The following CCDC88C variants were observed in gnomAD, a reference collection of about 807,000 sequenced individuals.
CCDC88C encodes coiled-coil and HOOK domain protein 88C.
A neutral mutation model predicts 198.8 loss-of-function variants in CCDC88C; 131 were observed. The ratio of observed to expected loss-of-function variants is 0.66; its 90% CI spans 0.57 to 0.76. The LOEUF (loss-of-function observed/expected upper bound fraction) is 0.76. Among genes scored for constraint, CCDC88C ranks in the 30% least tolerant of loss-of-function variants. The pLI is 0.00. For missense variants in CCDC88C, 2,553 were observed against 2,631.6 expected, an observed-to-expected ratio of 0.97 and a Z score of 0.65; for synonymous variants, 1,166 against 1,114.7, an observed-to-expected ratio of 1.05 and a Z score of -0.92.
chr14:91,273,472 G>A lies in CCDC88C; in HGVS notation c.5240C>T (p.Pro1747Leu), dbSNP rs1252187337. The A allele has an allele frequency of 6.4e-7, 1 of 1,573,420 alleles. No homozygotes were observed. The highest frequency in any genetic ancestry group is 8.6e-7 in the Non-Finnish European group (1 of 1,158,592). The change falls in exon 30 of 30, where the codon CCC becomes CTC. Residue 1747 changes from proline (P) to leucine (L), a missense_variant. By Grantham distance (98) the Pro-to-Leu change is moderately conservative. Around this residue, in one of 2 missense-constraint regions of CCDC88C, gnomAD observed 1,293 missense variants for 1,219.6 expected, o/e 1.06. Transcript: ENST00000389857. The surrounding 1 kb of genome is among the most constrained non-coding windows in gnomAD (Gnocchi z 5.6). ...GAAGTTTGGCTTTACGTACTGCCCG[G>A]GCTTCAGCGGCCTCCCCTCCGAGGT... ...APTSEGRPLK[P>L]GQYVKPNFRL...
chr14:91,354,296 C>G (rs780434997), intron 4 of CCDC88C, among the ~76,000 whole-genome samples: 1 of 152,246 alleles, frequency 6.6e-6, no homozygotes, highest in Non-Finnish European at 1.5e-5. Context: ...CAAATCTAGT[C>G]TTTTCTTGTG....
chr14:91,362,722 G>A (rs1894364844), intron 3 of CCDC88C, among the ~76,000 whole-genome samples: 1 of 152,136 alleles, frequency 6.6e-6, no homozygotes, highest in Non-Finnish European at 1.5e-5. Flanking sequence ...GAAGTCAGGA[G>A]ATCGAGACCA....
intron 2 of CCDC88C, among the ~76,000 whole-genome samples, chr14:91,409,197 T>A (rs1886673297): frequency 1.3e-5 from 2 of 152,104 alleles, no homozygotes; most frequent in South Asian, 2.1e-4. Flanking sequence ...GTTTTTTTTT[T>A]TTTTTAAATA....
chr14:91,388,232 C>G (rs1885267522), intron 3 of CCDC88C, among the ~76,000 whole-genome samples: 1 of 152,234 alleles, frequency 6.6e-6, no homozygotes, highest in Non-Finnish European at 1.5e-5. Context: ...AGGGCCCTAA[C>G]CAATGTATGA....
intron 3 of CCDC88C, among the ~76,000 whole-genome samples, chr14:91,407,608 C>A (rs1270031161): frequency 2.6e-5 from 4 of 152,136 alleles, no homozygotes; most frequent in Non-Finnish European, 2.9e-5. Context: ...TGGGCTTCAC[C>A]TGGGTTCTCG....
intron 2 of CCDC88C, among the ~76,000 whole-genome samples, chr14:91,409,667 T>C (rs1329568023): frequency 1.3e-5 from 2 of 151,732 alleles, no homozygotes; most frequent in Non-Finnish European, 2.9e-5. Flanking sequence ...TTTGTATTTT[T>C]AGTAAAGACA....
intron 4 of CCDC88C, among the ~76,000 whole-genome samples, chr14:91,358,815 T>C (rs991299925): frequency 6.6e-6 from 1 of 152,016 alleles, no homozygotes; most frequent in African/African-American, 2.4e-5. Flanking sequence ...ATTGAGTCTT[T>C]CAAACTCACA....
At chr14:91,407,133 C>T (rs1284320135) in intron 3 of CCDC88C, among the ~76,000 whole-genome samples, 1 of 152,158 alleles carries the variant, frequency 6.6e-6, no homozygotes, top group African/African-American at 2.4e-5. Context: ...TCAGAAAACC[C>T]AGGCCATTGT....
At chr14:91,359,160 C>CTTTTT (rs950112450) in intron 4 of CCDC88C, among the ~76,000 whole-genome samples, 223 of 108,652 alleles carry the variant, frequency 2.1e-3, no homozygotes, top group Non-Finnish European at 2.6e-3. Context: ...AGGCTTCATT[C>CTTTTT]TTTTTTTTTT....
At position 91,339,304 on chromosome 14, in the gene CCDC88C, G is replaced by A. The variant is rs746925437; in HGVS notation, c.783C>T (p.Ala261=). 1 of 1,613,246 alleles carries A rather than the reference G, an allele frequency of 6.2e-7. No individual in the cohort carries two copies. The highest frequency in any genetic ancestry group is 8.5e-7 in the Non-Finnish European group (1 of 1,179,888). Residue 261 remains alanine (A), a synonymous_variant, in exon 8 of 30, where the codon GCC becomes GCT. Transcript: ENST00000389857. This position sits in a 1 kb window ranked among gnomAD's most constrained non-coding sequence, Gnocchi z 5.8. The part of the protein sequence containing the change: ...HLAVELADTK[A]RLRRVRQELE... ...GCTCCTGCCTGACGCGCCGCAGCCT[G>A]GCCTTGGTGTCGGCCAGCTCTACGG...
intron 20 of CCDC88C, among the ~76,000 whole-genome samples, chr14:91,303,304 C>T (rs1426340625): frequency 6.6e-6 from 1 of 151,892 alleles, no homozygotes; most frequent in African/African-American, 2.4e-5. Flanking sequence ...TCCTGAGACC[C>T]CACCTCTGCT....
chr14:91,288,998 T>A lies in CCDC88C; in HGVS notation c.4441+107A>T. On this transcript the variant is annotated intron_variant, in intron 25 of 29. Transcript: ENST00000389857. This position sits in a 1 kb window ranked among gnomAD's most constrained non-coding sequence, Gnocchi z 4.2. ...CATCTAAGCGAAGGCGCACATGCAG[T>A]CACCCACCCCTGGCACGTTCCTGCA... 1.2e-6 allele frequency: 1 copy of A among 866,280 alleles called. No individual in the cohort carries two copies. Among genetic ancestry groups the A allele is most frequent in the Non-Finnish European group, 1.8e-6 (1 of 543,002 alleles). The allele number at this position is 866,280 out of a possible 1,614,324, so 53.7% of individuals were successfully genotyped here. A position where few individuals can be genotyped will look rare whatever the true frequency, so the allele number is the denominator to read the frequency against.
At chr14:91,294,676 T>TG (rs1394688602) in intron 22 of CCDC88C, among the ~76,000 whole-genome samples, 6 of 152,248 alleles carry the variant, frequency 3.9e-5, no homozygotes, top group South Asian at 4.1e-4. Flanking sequence ...TGTTTTGAGA[T>TG]GGAGTTTTGC....
At chr14:91,395,359 T>C (rs1885781791) in intron 3 of CCDC88C, among the ~76,000 whole-genome samples, 1 of 152,130 alleles carries the variant, frequency 6.6e-6, no homozygotes, top group Admixed American at 6.5e-5. Flanking sequence ...GTGATCTCAT[T>C]TGAGCCTCAC....
intron 3 of CCDC88C, 188 bp downstream of exon 3, chr14:91,408,471 G>A (rs1886623629): frequency 3.4e-6 from 2 of 587,392 alleles, no homozygotes; most frequent in South Asian, 3.8e-5. Flanking sequence ...ACCAAACAAA[G>A]GAAATCAACG....
chr14:91,320,341 C>A (rs940753096), intron 13 of CCDC88C, among the ~76,000 whole-genome samples: 5 of 152,186 alleles, frequency 3.3e-5, no homozygotes, highest in African/African-American at 9.6e-5. Flanking sequence ...TCCATAAAAA[C>A]CCAAAAGGAC....
rs762005222 is a variant in CCDC88C, at chr14:91,288,989, C to G, written c.4441+116G>C. On this transcript the variant is annotated intron_variant, in intron 25 of 29. Coordinates refer to ENST00000389857, the MANE Select transcript of CCDC88C (RefSeq NM_001080414.4). The surrounding 1 kb of genome is among the most constrained non-coding windows in gnomAD (Gnocchi z 4.2). ...CTCGTAACACATCTAAGCGAAGGCG[C>G]ACATGCAGTCACCCACCCCTGGCAC... 5.1e-6 allele frequency: 4 copies of G among 779,154 alleles called. No individual in the cohort carries two copies. The highest frequency in any genetic ancestry group is 6.4e-6 in the Non-Finnish European group (3 of 465,198). 48.3% of individuals were successfully genotyped at this position (779,154 alleles called of 1,614,324 possible).
At chr14:91,321,543 G>T (rs1596068845) in intron 12 of CCDC88C, among the ~76,000 whole-genome samples, 1 of 152,346 alleles carries the variant, frequency 6.6e-6, no homozygotes, top group Non-Finnish European at 1.5e-5. Flanking sequence ...AAGGCGGCAG[G>T]TTACAGTCCA....
intron 1 of CCDC88C, 196 bp downstream of exon 1, chr14:91,417,435 C>T (rs1445762676): frequency 3.5e-6 from 2 of 573,494 alleles, no homozygotes; most frequent in Non-Finnish European, 6.1e-6. Flanking sequence ...GGACGCACAA[C>T]GGGGGCGCCG....
Sources: allele counts gnomAD v4.1 joint callset (sites outside exome capture counted in the v4.1 genomes callset), GRCh38; gene constraint gnomAD v4.1.1; regional missense constraint gnomAD v4.1.1; non-coding constraint Gnocchi (gnomAD v3.1); transcripts MANE v1.5; gene names NCBI Gene and HGNC (gene_info 2026-07-23, HGNC 2026-07-21).